Variants in PCDHGA4 observed in about 807,000 individuals in gnomAD.
The protein encoded by PCDHGA4 is protocadherin gamma-A4.
PCDHGA4 carries 38 observed loss-of-function variants against 54.6 expected under a neutral mutation model. The observed-to-expected ratio is 0.70, with a 90% CI of 0.54 to 0.91. PCDHGA4 has a LOEUF of 0.91. Ranked by LOEUF, PCDHGA4 falls within the 40% of genes least tolerant of loss-of-function variation. PCDHGA4 has a pLI of 0.00. For synonymous variants in PCDHGA4, 511 were observed against 512.9 expected (o/e 1.00, Z 0.05); for missense variants, 1,298 against 1,220.9 (o/e 1.06, Z -0.94).
chr5:141,360,869 A>G, intron 1 of PCDHGA4: 1 of 1,614,016 alleles, frequency 6.2e-7, no homozygotes, highest in Non-Finnish European at 8.5e-7. Flanking sequence ...TTCAGCCAGG[A>G]CGTGTACAGG....
At chr5:141,423,173 A>T (rs2096717258) in intron 1 of PCDHGA4, 1 of 1,613,330 alleles carries the variant, frequency 6.2e-7, no homozygotes, top group South Asian at 1.1e-5. Flanking sequence ...GCCGTCCAGG[A>T]CCACGGCCAG....
At chr5:141,441,655 C>A in intron 1 of PCDHGA4, 1 of 247,430 alleles carries the variant, frequency 4.0e-6, no homozygotes. Context: ...TTCTAGGTGT[C>A]CTTGAGCGCA....
At chr5:141,405,355 A>G in intron 1 of PCDHGA4, 2 of 1,613,990 alleles carry the variant, frequency 1.2e-6, no homozygotes, top group South Asian at 1.1e-5. Flanking sequence ...AGTTTCCTAT[A>G]GAAGACACCC....
chr5:141,423,927 T>A, intron 1 of PCDHGA4: 1 of 1,240,434 alleles, frequency 8.1e-7, no homozygotes, highest in Non-Finnish European at 1.0e-6. Context: ...TATGCTGGTT[T>A]GGTTTGAAGT....
At chr5:141,362,063 T>C (rs1762309054) in intron 1 of PCDHGA4, 1 of 1,612,272 alleles carries the variant, frequency 6.2e-7, no homozygotes, top group Non-Finnish European at 8.5e-7. Context: ...CAGCGCCTGC[T>C]GGTCGCTGTG....
chr5:141,481,179 T>C (rs115525079), intron 1 of PCDHGA4, among the ~76,000 whole-genome samples: 16 of 152,358 alleles, frequency 1.1e-4, no homozygotes, highest in African/African-American at 3.6e-4. Flanking sequence ...TCCAGCTTTA[T>C]TGGGCCAGGC....
rs939127168 is a variant in PCDHGA4, at chr5:141,357,440, G to A, written c.2333G>A (p.Arg778Gln). The A allele has an allele frequency of 3.7e-6, 6 of 1,614,198 alleles. No homozygotes were observed. The highest frequency in any genetic ancestry group is 1.1e-5 in the South Asian group (1 of 91,080). The change falls in exon 1 of 4, where the codon CGG becomes CAG. Residue 778 changes from arginine to glutamine, a missense_variant. Arg to Gln is a conservative substitution (Grantham distance 43). Coordinates refer to ENST00000571252, the MANE Select transcript of PCDHGA4 (RefSeq NM_018917.4). Reference protein sequence around the residue: ...ASHFVGVDGVRAFLQTYSHEV... With the variant: ...ASHFVGVDGVQAFLQTYSHEV... ...CACTTTGTGGGCGTGGACGGGGTTC[G>A]GGCTTTCCTGCAGACCTATTCCCAC...
chr5:141,403,213 G>A (rs1314899957), intron 1 of PCDHGA4: 1 of 1,613,970 alleles, frequency 6.2e-7, no homozygotes, highest in Non-Finnish European at 8.5e-7. Flanking sequence ...TGGTCACCGC[G>A]GGTAGGATAG....
At chr5:141,406,729 C>A (rs1051103218) in intron 1 of PCDHGA4, among the ~76,000 whole-genome samples, 1 of 152,200 alleles carries the variant, frequency 6.6e-6, no homozygotes, top group Non-Finnish European at 1.5e-5. Context: ...GTTTCTAAGA[C>A]TGGACACTGT....
At chr5:141,427,924 G>A (rs1440880400) in intron 1 of PCDHGA4, 8 of 1,580,024 alleles carry the variant, frequency 5.1e-6, no homozygotes, top group East Asian at 2.2e-5. Context: ...ATGAGCCGGC[G>A]CATGTTGGTG....
At chr5:141,505,977 G>A (rs944259753) in intron 3 of PCDHGA4, among the ~76,000 whole-genome samples, 1 of 152,150 alleles carries the variant, frequency 6.6e-6, no homozygotes, top group East Asian at 1.9e-4. Flanking sequence ...CCAGCCGAGA[G>A]AACACCTCCT....
intron 1 of PCDHGA4, chr5:141,413,818 G>T: frequency 6.2e-7 from 1 of 1,613,138 alleles, no homozygotes; most frequent in Non-Finnish European, 8.5e-7. Context: ...TCACCACCTG[G>T]TCCTCACCGC....
In PCDHGA4 at chr5:141,356,148, CAT is replaced by C. The variant is rs1275291606; in HGVS notation, c.1043_1044del (p.Ile348ArgfsTer6). 2.5e-6 allele frequency: 4 copies of C among 1,613,436 alleles called. No individual in the cohort carries two copies. Among genetic ancestry groups the C allele is most frequent in the Admixed American group, 1.7e-5 (1 of 59,936 alleles). On this transcript the variant is annotated frameshift_variant, in exon 1 of 4. Transcript: ENST00000571252. LOFTEE classifies it high-confidence loss of function. ...LDYEDSGFYD[I>X]DVEAHDGPGL... ...ATTATGAGGACTCTGGATTCTATGA[CAT>C]AGATGTAGAAGCCCATGATGGGCCT...
At position 141,383,558 on chromosome 5, in the gene PCDHGA4, C is replaced by T. The variant is rs374657057; in HGVS notation, c.2514+25937C>T. Reference sequence around the variant, plus strand: ...CTCACAGCCTCTGATGGCGGCGACCCGCCCCGATCCAGCACCGCCCACATC... The same window carrying T: ...CTCACAGCCTCTGATGGCGGCGACCTGCCCCGATCCAGCACCGCCCACATC... On this transcript the variant is annotated intron_variant, in intron 1 of 3. Coordinates refer to ENST00000571252, the MANE Select transcript of PCDHGA4 (RefSeq NM_018917.4). 17 of 1,612,704 alleles carry T rather than the reference C, an allele frequency of 1.1e-5. No homozygotes were observed. The African/African-American group carries it at 2.0e-4, about 19-fold the overall frequency.
Position 141,431,991 on chromosome 5 carries a change from A to G in PCDHGA4, c.2515-62816A>G. 1.2e-6 allele frequency: 2 copies of G among 1,614,218 alleles called. No individual in the cohort carries two copies. The highest frequency in any genetic ancestry group is 1.7e-6 in the Non-Finnish European group (2 of 1,180,042). On this transcript the variant is annotated intron_variant, in intron 1 of 3. Transcript: ENST00000571252. The surrounding 1 kb of genome is among the most constrained non-coding windows in gnomAD (Gnocchi z 4.8). The stretch of plus-strand genomic sequence containing the variant: ...AGTTTAGTCACAGACATAGTCTTGG[A>G]TAGGGAACAGGTTCCTAGCTACAAC...
chr5:141,400,372 A>T, intron 1 of PCDHGA4: 1 of 1,613,980 alleles, frequency 6.2e-7, no homozygotes, highest in South Asian at 1.1e-5. Flanking sequence ...TTATTCCTAC[A>T]ACCTATGTGT....
At chr5:141,363,325 T>C (rs1762878436) in intron 1 of PCDHGA4, among the ~76,000 whole-genome samples, 1 of 152,276 alleles carries the variant, frequency 6.6e-6, no homozygotes, top group South Asian at 2.1e-4. Flanking sequence ...ATGAAAGTGT[T>C]ATTAAATAAA....
chr5:141,362,095 C>T (rs771113210), intron 1 of PCDHGA4: 36 of 1,613,738 alleles, frequency 2.2e-5, no homozygotes, highest in Non-Finnish European at 7.6e-6. Flanking sequence ...ACAGCCGCCA[C>T]TCTCCGCTAC....
At chr5:141,508,879 G>A (rs2547559) in intron 3 of PCDHGA4, among the ~76,000 whole-genome samples, 2 of 152,070 alleles carry the variant, frequency 1.3e-5, no homozygotes, top group East Asian at 3.9e-4. Context: ...AGAGGCTGAC[G>A]GCTGGAGGGG....
Sources: allele counts gnomAD v4.1 joint callset (sites outside exome capture counted in the v4.1 genomes callset), GRCh38; gene constraint gnomAD v4.1.1; non-coding constraint Gnocchi (gnomAD v3.1); transcripts MANE v1.5; gene names NCBI Gene and HGNC (gene_info 2026-07-23, HGNC 2026-07-21).